LDHA: variants seen among roughly 807,000 people sequenced by gnomAD.
LDHA encodes the protein L-lactate dehydrogenase A chain.
A neutral mutation model predicts 36.3 loss-of-function variants in LDHA; 10 were observed. That is an observed-to-expected ratio of 0.28 (90% CI 0.17 to 0.47). LDHA has a LOEUF of 0.47. Among genes scored for constraint, LDHA ranks in the 20% least tolerant of loss-of-function variants. LDHA has a pLI of 0.99. For missense variants in LDHA, 267 were observed against 405.8 expected, an observed-to-expected ratio of 0.66 and a Z score of 2.94; for synonymous variants, 110 against 136.7, an observed-to-expected ratio of 0.80 and a Z score of 1.36.
At chr11:18,400,762 TG>T in intron 3 of LDHA, 74 bp from the exon 4 acceptor site, 1 of 1,121,608 alleles carries the variant, frequency 8.9e-7, no homozygotes, top group Non-Finnish European at 1.4e-6. Context: ...GGAGCATTTA[TG>T]GAACAAATTT....
At chr11:18,404,506 T>C (rs887939446) in intron 6 of LDHA, among the ~76,000 whole-genome samples, 1 of 152,112 alleles carries the variant, frequency 6.6e-6, no homozygotes, top group African/African-American at 2.4e-5. Flanking sequence ...CTCAGGTCTA[T>C]AGAATTAAAA....
In LDHA at chr11:18,399,690, C is replaced by T. The variant is rs4757652; in HGVS notation, c.244+142C>T. ...TCGAACCCTGGGCTCAAGCAATCCT[C>T]CTTCCACTTCATTACCCCCTCCCCC... is the stretch of plus-strand genomic sequence containing the variant. On this transcript the variant is annotated intron_variant, in intron 3 of 7. Coordinates refer to ENST00000422447, the MANE Select transcript of LDHA (RefSeq NM_005566.4). 0.11 allele frequency: 78,036 copies of T among 709,486 alleles called. 4,671 individuals are homozygous for T. The highest frequency in any genetic ancestry group is 0.14 in the Admixed American group (7,364 of 51,954). 43.9% of individuals were successfully genotyped at this position (709,486 alleles called of 1,614,324 possible).
At chr11:18,400,534 T>G in intron 3 of LDHA, 1 of 405,462 alleles carries the variant, frequency 2.5e-6, no homozygotes, top group Non-Finnish European at 4.7e-6. Flanking sequence ...GAAACAGGAG[T>G]ATGGAAGAGT....
intron 7 of LDHA, among the ~76,000 whole-genome samples, 153 bp from the exon 8 acceptor site, chr11:18,406,964 C>G (rs975595185): frequency 6.6e-6 from 1 of 151,682 alleles, no homozygotes; most frequent in African/African-American, 2.4e-5. Context: ...TGAGATCGTG[C>G]CACTGCACTC....
At chr11:18,400,778 T>C in intron 3 of LDHA, 59 bp from the exon 4 acceptor site, 1 of 1,380,556 alleles carries the variant, frequency 7.2e-7, no homozygotes, top group Non-Finnish European at 1.0e-6. Context: ...AAATTTTTGC[T>C]GCCTAGGTAA....
intron 6 of LDHA, among the ~76,000 whole-genome samples, chr11:18,405,246 A>G (rs1351080697): frequency 2.0e-5 from 3 of 152,160 alleles, no homozygotes; most frequent in Admixed American, 1.3e-4. Flanking sequence ...AAAGATTGTC[A>G]TGTTTTTGCT....
At chr11:18,396,453 A>C in intron 1 of LDHA, 1 of 512,376 alleles carries the variant, frequency 2.0e-6, no homozygotes. Context: ...TGTTTACTTG[A>C]GAAGCCTGGC....
At chr11:18,399,149 A>G (rs574575191) in intron 2 of LDHA, 2 of 414,906 alleles carry the variant, frequency 4.8e-6, no homozygotes, top group South Asian at 2.3e-5. Context: ...TATTCTAGCA[A>G]CTGCCAGTCC....
Position 18,394,755 on chromosome 11 carries a change from C to T in LDHA, c.-25+119C>T, listed in dbSNP as rs35609290. The T allele has an allele frequency of 3.6e-4, 158 of 434,360 alleles. No individual in the cohort carries two copies. The East Asian group carries it at 3.7e-3, about 10-fold the overall frequency. The allele number at this position is 434,360 out of a possible 1,614,324, so 26.9% of individuals were successfully genotyped here. ...TTCCTGCTCCCGGGAGGTGTAGGAG[C>T]CGCTTTCCAGAAGCACAGCCCAGAG... On this transcript the variant is annotated intron_variant, in intron 1 of 7. Transcript: ENST00000422447.
chr11:18,397,789 C>T (rs1460566562), intron 2 of LDHA, among the ~76,000 whole-genome samples: 2 of 151,618 alleles, frequency 1.3e-5, no homozygotes, highest in Non-Finnish European at 2.9e-5. Flanking sequence ...CCAGCCTGGG[C>T]GACAGTGAGA....
intron 2 of LDHA, among the ~76,000 whole-genome samples, chr11:18,397,602 G>A (rs1458146200): frequency 6.6e-6 from 1 of 152,104 alleles, no homozygotes; most frequent in Non-Finnish European, 1.5e-5. Context: ...ACGAGGTCAG[G>A]AGATGGAGAC....
chr11:18,396,497 A>C, intron 1 of LDHA: 1 of 980,376 alleles, frequency 1.0e-6, no homozygotes, highest in African/African-American at 1.7e-5. Context: ...AGTAGCTCAG[A>C]GTGATCTTGT....
intron 2 of LDHA, among the ~76,000 whole-genome samples, chr11:18,398,398 GT>G (rs35960334): frequency 0.79 from 115,833 of 147,548 alleles, 45,479 homozygotes; most frequent in Non-Finnish European, 0.82. Context: ...AACTTTTTAA[GT>G]TTTTTTTTTT....
At chr11:18,397,082 A>G in intron 2 of LDHA, 114 bp downstream of exon 2, 1 of 921,162 alleles carries the variant, frequency 1.1e-6, no homozygotes, top group East Asian at 2.5e-5. Context: ...AGATTTATGC[A>G]CTCATTCGGA....
At position 18,407,599 on chromosome 11, in the gene LDHA, T is replaced by C. The variant is rs779816426; in HGVS notation, c.*318T>C. The C allele has an allele frequency of 1.4e-5, 9 of 665,724 alleles. No homozygotes were observed. The highest frequency in any genetic ancestry group is 3.9e-4 in the Middle Eastern group (1 of 2,596). The allele number at this position is 665,724 out of a possible 1,614,324, so 41.2% of individuals were successfully genotyped here. On this transcript the variant is annotated 3_prime_UTR_variant, in exon 8 of 8. Coordinates refer to ENST00000422447, the MANE Select transcript of LDHA (RefSeq NM_005566.4). Reference sequence around the variant, plus strand: ...AGCCAGGTGGATGTTTACCGTGTGTTATATAACTTCCTGGCTCCTTCACTG... The same window carrying C: ...AGCCAGGTGGATGTTTACCGTGTGTCATATAACTTCCTGGCTCCTTCACTG...
At chr11:18,399,589 T>A in intron 3 of LDHA, 41 bp downstream of exon 3, 1 of 1,405,660 alleles carries the variant, frequency 7.1e-7, no homozygotes, top group Non-Finnish European at 1.0e-6. Flanking sequence ...ATGCTTGACT[T>A]AAATTCTTTT....
chr11:18,407,688 A>C lies in LDHA; in HGVS notation c.*407A>C. On this transcript the variant is annotated 3_prime_UTR_variant, in exon 8 of 8. Coordinates refer to ENST00000422447, the MANE Select transcript of LDHA (RefSeq NM_005566.4). ...TCCTGGGATCCAGTGTATAAATCCA[A>C]TATCATGTCTTGTGCATAATTCTTC... 5.8e-6 allele frequency: 3 copies of C among 520,162 alleles called. No individual in the cohort carries two copies. The highest frequency in any genetic ancestry group is 7.4e-6 in the Non-Finnish European group (2 of 270,792). The allele number at this position is 520,162 out of a possible 1,614,324, so 32.2% of individuals were successfully genotyped here. A position where few individuals can be genotyped will look rare whatever the true frequency, so the allele number is the denominator to read the frequency against.
chr11:18,403,468 C>A (rs1250542642), intron 5 of LDHA, among the ~76,000 whole-genome samples: 1 of 152,146 alleles, frequency 6.6e-6, no homozygotes, highest in East Asian at 1.9e-4. Flanking sequence ...TTAAACATTT[C>A]AATTGGCTAG....
Position 18,407,506 on chromosome 11 carries a change from A to G in LDHA, c.*225A>G, listed in dbSNP as rs1358049701. On this transcript the variant is annotated 3_prime_UTR_variant, in exon 8 of 8. Coordinates refer to ENST00000422447, the MANE Select transcript of LDHA (RefSeq NM_005566.4). ...AATCTTGTGTAGTCTTCAACTGGTT[A>G]GTGTGAAATAGTTCTGCCACCTCTG... 2.2e-6 allele frequency: 2 copies of G among 892,300 alleles called. No homozygotes were observed. The highest frequency in any genetic ancestry group is 3.6e-6 in the Non-Finnish European group (2 of 556,824). 55.3% of individuals were successfully genotyped at this position (892,300 alleles called of 1,614,324 possible). A position where few individuals can be genotyped will look rare whatever the true frequency, so the allele number is the denominator to read the frequency against.
Sources: allele counts gnomAD v4.1 joint callset (sites outside exome capture counted in the v4.1 genomes callset), GRCh38; gene constraint gnomAD v4.1.1; transcripts MANE v1.5; gene names NCBI Gene and HGNC (gene_info 2026-07-23, HGNC 2026-07-21).